LRRTM4: variants seen among roughly 807,000 people sequenced by gnomAD.
LRRTM4 encodes leucine-rich repeat transmembrane neuronal protein 4.
Under a neutral mutation model 47.6 loss-of-function variants are expected in LRRTM4, and 25 were observed. The ratio of observed to expected loss-of-function variants is 0.53; its 90% CI spans 0.38 to 0.73. LRRTM4 has a LOEUF of 0.73. LRRTM4 is among the 30% of genes least tolerant of loss of function. The probability of loss-of-function intolerance (pLI) is 0.00; values close to 1 mark genes in which losing one functional copy is unlikely to be tolerated. For synonymous variants in LRRTM4, 311 were observed against 269.5 expected, an observed-to-expected ratio of 1.15 and a Z score of -1.51; for missense variants, 638 against 713.4, an observed-to-expected ratio of 0.89 and a Z score of 1.20.
chr2:76,881,560 T>C (rs974906923), intron 3 of LRRTM4, among the ~76,000 whole-genome samples: 3 of 151,902 alleles, frequency 2.0e-5, no homozygotes, highest in Admixed American at 2.0e-4. Context: ...TTTATGTTAA[T>C]GTGATTGTTT....
chr2:77,398,567 C>T (rs1673798219), intron 3 of LRRTM4, among the ~76,000 whole-genome samples: 1 of 151,666 alleles, frequency 6.6e-6, no homozygotes, highest in Non-Finnish European at 1.5e-5. Context: ...TCAGAATGGT[C>T]ATATATCAGA....
chr2:77,281,218 T>G (rs1676498114), intron 3 of LRRTM4, among the ~76,000 whole-genome samples: 1 of 151,946 alleles, frequency 6.6e-6, no homozygotes, highest in South Asian at 2.1e-4. Context: ...TTAGTGTTTC[T>G]TGTGATAATA....
At chr2:77,165,864 G>C (rs1672869413) in intron 3 of LRRTM4, among the ~76,000 whole-genome samples, 1 of 152,122 alleles carries the variant, frequency 6.6e-6, no homozygotes, top group African/African-American at 2.4e-5. Flanking sequence ...ATACTGAATG[G>C]GCAAAAACTG....
chr2:77,053,426 A>C (rs1348825), intron 3 of LRRTM4, among the ~76,000 whole-genome samples: 44,235 of 151,948 alleles, frequency 0.29, 6,993 homozygotes, highest in African/African-American at 0.42. Flanking sequence ...TATATATTAT[A>C]AGGAACTAAT....
intron 3 of LRRTM4, among the ~76,000 whole-genome samples, chr2:77,390,701 T>A (rs938768740): frequency 6.6e-6 from 1 of 151,526 alleles, no homozygotes; most frequent in Non-Finnish European, 1.5e-5. Flanking sequence ...TGATGATGAT[T>A]TTCAAAATTA....
At chr2:77,178,754 A>G (rs954801990) in intron 3 of LRRTM4, among the ~76,000 whole-genome samples, 2 of 152,126 alleles carry the variant, frequency 1.3e-5, no homozygotes, top group African/African-American at 2.4e-5. Context: ...ACATTTTGGC[A>G]TTGACTTTTT....
intron 3 of LRRTM4, among the ~76,000 whole-genome samples, chr2:76,900,715 G>C (rs564591664): frequency 2.2e-4 from 33 of 152,184 alleles, no homozygotes; most frequent in African/African-American, 7.0e-4. Context: ...CATAAAAATC[G>C]AGATAATAGT....
intron 3 of LRRTM4, among the ~76,000 whole-genome samples, chr2:76,935,338 C>G (rs528474795): frequency 3.3e-4 from 50 of 152,140 alleles, no homozygotes; most frequent in African/African-American, 1.1e-3. Context: ...TATGCGGGCT[C>G]TTTTTGGTTT....
intron 3 of LRRTM4, among the ~76,000 whole-genome samples, chr2:76,783,766 G>T (rs1046034919): frequency 1.3e-5 from 2 of 152,092 alleles, no homozygotes; most frequent in South Asian, 4.1e-4. Context: ...GATATTTCTT[G>T]CAAGTACTTT....
At chr2:77,333,853 G>T (rs1319541844) in intron 3 of LRRTM4, among the ~76,000 whole-genome samples, 1 of 152,144 alleles carries the variant, frequency 6.6e-6, no homozygotes, top group African/African-American at 2.4e-5. Context: ...ACCTGGAAAA[G>T]CTGCGGACAC....
At chr2:76,843,933 A>T (rs996673334) in intron 3 of LRRTM4, among the ~76,000 whole-genome samples, 1 of 135,102 alleles carries the variant, frequency 7.4e-6, no homozygotes, top group African/African-American at 2.8e-5. Context: ...TTTGAGATGG[A>T]GTCTCATGCC....
intron 3 of LRRTM4, among the ~76,000 whole-genome samples, chr2:77,271,284 G>A (rs1038722931): frequency 1.3e-5 from 2 of 152,178 alleles, no homozygotes; most frequent in Non-Finnish European, 2.9e-5. Flanking sequence ...CAACCCATGA[G>A]ATGAGGCTAG....
intron 3 of LRRTM4, among the ~76,000 whole-genome samples, chr2:77,451,103 C>A (rs994936301): frequency 7.2e-5 from 11 of 152,100 alleles, no homozygotes; most frequent in African/African-American, 2.7e-4. Flanking sequence ...TTATTCAATT[C>A]CAGTCAGGCC....
At chr2:77,123,890 G>A (rs924588288) in intron 3 of LRRTM4, among the ~76,000 whole-genome samples, 2 of 151,996 alleles carry the variant, frequency 1.3e-5, no homozygotes, top group Non-Finnish European at 2.9e-5. Context: ...CTGGGACGTT[G>A]GGAGGATATA....
intron 3 of LRRTM4, among the ~76,000 whole-genome samples, chr2:77,496,157 T>C (rs1162318519): frequency 1.3e-5 from 2 of 151,916 alleles, no homozygotes; most frequent in African/African-American, 4.8e-5. Context: ...TTGCTATTAA[T>C]ATAGATATGT....
intron 3 of LRRTM4, among the ~76,000 whole-genome samples, chr2:77,511,959 A>G (rs1679030331): frequency 6.6e-6 from 1 of 152,068 alleles, no homozygotes; most frequent in Non-Finnish European, 1.5e-5. Flanking sequence ...TTTTATTTGT[A>G]TGTTTAAGAG....
At chr2:77,178,108 T>C (rs1309953289) in intron 3 of LRRTM4, among the ~76,000 whole-genome samples, 2 of 152,220 alleles carry the variant, frequency 1.3e-5, no homozygotes, top group African/African-American at 2.4e-5. Context: ...TTAACTGCTG[T>C]ATCTTTAGAC....
chr2:77,299,821 G>C (rs1196590698), intron 3 of LRRTM4, among the ~76,000 whole-genome samples: 1 of 150,786 alleles, frequency 6.6e-6, no homozygotes, highest in Admixed American at 6.6e-5. Context: ...TTGTCACTGA[G>C]TGTGAGGACA....
intron 3 of LRRTM4, among the ~76,000 whole-genome samples, chr2:77,028,401 C>T (rs1217913716): frequency 6.6e-6 from 1 of 152,108 alleles, no homozygotes; most frequent in Admixed American, 6.5e-5. Context: ...AACTTTCTAA[C>T]CTTCCTCACT....
Sources: gnomAD v4.1 joint callset for allele counts (sites outside exome capture counted in the v4.1 genomes callset) on GRCh38, gnomAD v4.1.1 for gene constraint, MANE v1.5 for transcripts, NCBI Gene and HGNC (gene_info 2026-07-23, HGNC 2026-07-21) for gene names.